CNTNAP2: variants seen among roughly 807,000 people sequenced by gnomAD.
CNTNAP2 encodes contactin-associated protein-like 2.
A neutral mutation model predicts 155.2 loss-of-function variants in CNTNAP2; 98 were observed. The ratio of observed to expected loss-of-function variants is 0.63; its 90% CI spans 0.54 to 0.75. CNTNAP2 has a LOEUF of 0.75. CNTNAP2 is among the 30% of genes least tolerant of loss of function. The pLI is 0.00. For missense variants in CNTNAP2, 1,727 were observed against 1,688.1 expected (o/e 1.02, Z -0.40); for synonymous variants, 651 against 631.2 (o/e 1.03, Z -0.47).
chr7:148,344,653 T>C (rs1798291288), intron 21 of CNTNAP2, among the ~76,000 whole-genome samples: 1 of 152,124 alleles, frequency 6.6e-6, no homozygotes, highest in Admixed American at 6.5e-5. Flanking sequence ...GTGACAATTG[T>C]TGTCATTCCT....
At chr7:146,279,082 A>G (rs1002217349) in intron 1 of CNTNAP2, among the ~76,000 whole-genome samples, 17 of 152,150 alleles carry the variant, frequency 1.1e-4, no homozygotes, top group African/African-American at 3.9e-4. Flanking sequence ...TCTCAAAAAC[A>G]ATACTTTTTG....
At chr7:147,562,053 A>G in intron 11 of CNTNAP2, 85 bp from the exon 12 acceptor site, 1 of 1,555,736 alleles carries the variant, frequency 6.4e-7, no homozygotes, top group Non-Finnish European at 8.9e-7. Context: ...GTGGTTTGCT[A>G]GCATTGCAAT....
rs548220734 is a variant in CNTNAP2 at position 147,237,049 on chromosome 7, C to CTTTTTTTTTTTTTTTTTTTTTTT, written c.1349-63078_1349-63056dup. 5.4e-4 allele frequency among the ~76,000 whole-genome samples: 31 copies of CTTTTTTTTTTTTTTTTTTTTTTT among 57,478 alleles called. 4 individuals are homozygous for CTTTTTTTTTTTTTTTTTTTTTTT. The highest frequency in any genetic ancestry group is 9.5e-4 in the Non-Finnish European group (28 of 29,592). 37.7% of individuals were successfully genotyped at this position (57,478 alleles called of 152,430 possible). A position where few individuals can be genotyped will look rare whatever the true frequency, so the allele number is the denominator to read the frequency against. On this transcript the variant is annotated intron_variant, in intron 8 of 23. Coordinates refer to ENST00000361727, the MANE Select transcript of CNTNAP2 (RefSeq NM_014141.6). ...CCACTTCCTTTAGCCTTCACCTCCT[C>CTTTTTTTTTTTTTTTTTTTTTTT]TTTTTTTTTTTTTTTTTTTTTTTTT... is the stretch of plus-strand genomic sequence containing the variant.
chr7:146,583,042 A>G (rs979271088), intron 1 of CNTNAP2, among the ~76,000 whole-genome samples: 2 of 151,946 alleles, frequency 1.3e-5, no homozygotes, highest in African/African-American at 2.4e-5. Context: ...GTTATCTTGT[A>G]GTATGTTGCA....
chr7:148,383,839 C>T lies in CNTNAP2; in HGVS notation c.3666C>T (p.Ser1222=). ...GCGGGGCCTCGCCGCTGACCCTCTC[C>T]CCCATGTCGTCCGCCACCGACCCCT... The part of the protein sequence containing the change: ...SNCGASPLTL[S]PMSSATDPWH... Residue 1222 remains serine (S), a synonymous_variant, in exon 22 of 24, where the codon TCC becomes TCT. Coordinates refer to ENST00000361727, the MANE Select transcript of CNTNAP2 (RefSeq NM_014141.6). 8 of 1,614,066 alleles carry T rather than the reference C, an allele frequency of 5.0e-6. No individual in the cohort carries two copies. Among genetic ancestry groups the T allele is most frequent in the Non-Finnish European group, 6.8e-6 (8 of 1,180,024 alleles).
intron 1 of CNTNAP2, among the ~76,000 whole-genome samples, chr7:146,307,000 G>T (rs1162523032): frequency 6.6e-6 from 1 of 152,140 alleles, no homozygotes; most frequent in African/African-American, 2.4e-5. Context: ...GCAAGAGAAA[G>T]AAATAAAGGG....
chr7:146,520,259 C>G (rs949867980), intron 1 of CNTNAP2, among the ~76,000 whole-genome samples: 1 of 147,740 alleles, frequency 6.8e-6, no homozygotes, highest in Admixed American at 6.8e-5. Context: ...TTACAGTATT[C>G]GGGCATTGTT....
At chr7:146,714,616 T>C (rs1801155441) in intron 1 of CNTNAP2, among the ~76,000 whole-genome samples, 4 of 152,210 alleles carry the variant, frequency 2.6e-5, no homozygotes, top group Admixed American at 2.0e-4. Flanking sequence ...GAAATAGAAA[T>C]GTCCATGGTC....
chr7:147,116,186 C>T (rs1321035033), intron 5 of CNTNAP2, among the ~76,000 whole-genome samples: 1 of 152,172 alleles, frequency 6.6e-6, no homozygotes, highest in African/African-American at 2.4e-5. Context: ...TGGCAGCCTG[C>T]TGCTTCCTCT....
At chr7:148,360,805 T>C (rs1049150851) in intron 21 of CNTNAP2, among the ~76,000 whole-genome samples, 3 of 150,212 alleles carry the variant, frequency 2.0e-5, no homozygotes, top group African/African-American at 7.5e-5. Context: ...TTCTTTCTTT[T>C]TTTTCTTTTT....
chr7:147,084,700 A>G (rs1399945952), intron 4 of CNTNAP2, among the ~76,000 whole-genome samples: 1 of 147,808 alleles, frequency 6.8e-6, no homozygotes, highest in Non-Finnish European at 1.5e-5. Context: ...ATGTATACAT[A>G]ATGCATATAT....
chr7:147,467,892 A>G (rs895078182), intron 10 of CNTNAP2, among the ~76,000 whole-genome samples: 3 of 152,060 alleles, frequency 2.0e-5, no homozygotes, highest in African/African-American at 7.2e-5. Context: ...TCAGCCAGGC[A>G]TGGTGATGCA....
chr7:146,532,276 TA>T (rs1445830219), intron 1 of CNTNAP2, among the ~76,000 whole-genome samples: 2 of 152,146 alleles, frequency 1.3e-5, no homozygotes, highest in Non-Finnish European at 2.9e-5. Context: ...TTCTACAGAA[TA>T]TGCTCTCAAA....
intron 10 of CNTNAP2, among the ~76,000 whole-genome samples, chr7:147,476,394 C>T (rs567955059): frequency 4.3e-4 from 65 of 151,886 alleles, no homozygotes; most frequent in African/African-American, 1.4e-3. Context: ...TGTGAGCCAC[C>T]GCGCCCACCT....
At position 147,509,740 on chromosome 7, in the gene CNTNAP2, C is replaced by T. The variant is rs111879648; in HGVS notation, c.1777+23699C>T. ...AAGCTCTCTTCTGCTTGTTTCCTTGCTTGTAAAGTTAGTCTTTGATATAAA... is the reference window on the plus strand; with the variant it reads ...AAGCTCTCTTCTGCTTGTTTCCTTGTTTGTAAAGTTAGTCTTTGATATAAA... On this transcript the variant is annotated intron_variant, in intron 11 of 23. Coordinates refer to ENST00000361727, the MANE Select transcript of CNTNAP2 (RefSeq NM_014141.6). 4.6e-5 allele frequency among the ~76,000 whole-genome samples: 7 copies of T among 152,026 alleles called. 1 individual carries two copies. Among genetic ancestry groups the T allele is most frequent in the African/African-American group, 1.7e-4 (7 of 41,502 alleles).
At chr7:147,272,834 A>T (rs1039943139) in intron 8 of CNTNAP2, among the ~76,000 whole-genome samples, 3 of 151,998 alleles carry the variant, frequency 2.0e-5, no homozygotes, top group African/African-American at 7.2e-5. Context: ...TAAGCTTCCT[A>T]TATACAGTGT....
intron 1 of CNTNAP2, among the ~76,000 whole-genome samples, chr7:146,414,347 A>T (rs2129111849): frequency 6.6e-6 from 1 of 152,280 alleles, no homozygotes; most frequent in South Asian, 2.1e-4. Flanking sequence ...ATTGTTTTAA[A>T]TTACATTTTG....
chr7:147,467,207 TAA>T (rs1395307815), intron 10 of CNTNAP2, among the ~76,000 whole-genome samples: 1 of 152,200 alleles, frequency 6.6e-6, no homozygotes, highest in Admixed American at 6.5e-5. Context: ...GTGAAGCCAT[TAA>T]AAGAGACATC....
intron 9 of CNTNAP2, among the ~76,000 whole-genome samples, chr7:147,393,935 A>G (rs1796766231): frequency 6.6e-6 from 1 of 152,080 alleles, no homozygotes; most frequent in Admixed American, 6.6e-5. Flanking sequence ...TGAAGAGAAA[A>G]AGAAGATTTC....
Sources: allele counts gnomAD v4.1 joint callset (sites outside exome capture counted in the v4.1 genomes callset), GRCh38; gene constraint gnomAD v4.1.1; transcripts MANE v1.5; gene names NCBI Gene and HGNC (gene_info 2026-07-23, HGNC 2026-07-21).